The following ANO4 variants were observed in gnomAD, a reference collection of about 807,000 sequenced individuals.
The protein encoded by ANO4 is anoctamin-4.
In ANO4, 69 loss-of-function variants were observed where a neutral mutation model predicts 141.9. That is an observed-to-expected ratio of 0.49 (90% CI 0.40 to 0.59). ANO4 has a LOEUF of 0.59. Among genes scored for constraint, ANO4 ranks in the 20% least tolerant of loss-of-function variants. The pLI is 0.00. For missense variants in ANO4, 894 were observed against 1,162.2 expected (o/e 0.77, Z 3.36); for synonymous variants, 350 against 394.3 (o/e 0.89, Z 1.33).
intron 1 of ANO4, among the ~76,000 whole-genome samples, chr12:100,851,724 C>T (rs2037880853): frequency 6.6e-6 from 1 of 151,986 alleles, no homozygotes; most frequent in South Asian, 2.1e-4. Context: ...CAAAGTGAAT[C>T]AAGTAGGGGG....
intron 1 of ANO4, among the ~76,000 whole-genome samples, chr12:100,732,090 A>G (rs1163274284): frequency 6.6e-6 from 1 of 152,222 alleles, no homozygotes; most frequent in Non-Finnish European, 1.5e-5. Flanking sequence ...AGCTTCTTTC[A>G]GTAAATACCA....
chr12:100,783,501 C>A (rs1269562486), intron 3 of ANO4, among the ~76,000 whole-genome samples: 1 of 152,158 alleles, frequency 6.6e-6, no homozygotes, highest in Non-Finnish European at 1.5e-5. Flanking sequence ...TTGTCAAGAT[C>A]ACTTCCTGAA....
chr12:100,746,342 C>G (rs1200865740), intron 3 of ANO4, among the ~76,000 whole-genome samples: 1 of 151,928 alleles, frequency 6.6e-6, no homozygotes, highest in Non-Finnish European at 1.5e-5. Flanking sequence ...AATCCTAGCT[C>G]TTTGGGAAAT....
intron 8 of ANO4, among the ~76,000 whole-genome samples, chr12:101,009,762 C>T (rs910864664): frequency 7.9e-5 from 12 of 152,094 alleles, no homozygotes; most frequent in East Asian, 1.9e-4. Context: ...TCTTGTCTTT[C>T]GGTTCAGAAA....
At chr12:100,806,515 TTTTG>T (rs2035033963) in intron 1 of ANO4, among the ~76,000 whole-genome samples, 1 of 140,012 alleles carries the variant, frequency 7.1e-6, no homozygotes, top group African/African-American at 2.6e-5. Context: ...GAGGTTTTTT[TTTTG>T]TTTCGTTTTT....
At chr12:100,866,892 A>G (rs74975793) in intron 1 of ANO4, among the ~76,000 whole-genome samples, 5,274 of 152,294 alleles carry the variant, frequency 0.035, 271 homozygotes, top group African/African-American at 0.11. Context: ...TTGAATGCAT[A>G]TACTAAATTC....
At chr12:101,089,065 A>C (rs1031386663) in intron 17 of ANO4, among the ~76,000 whole-genome samples, 2 of 152,116 alleles carry the variant, frequency 1.3e-5, no homozygotes, top group Non-Finnish European at 2.9e-5. Flanking sequence ...AAATGCTTAC[A>C]TCTTTGAAAA....
chr12:101,036,954 T>A, intron 9 of ANO4, 141 bp from the exon 10 acceptor site: 2 of 675,360 alleles, frequency 3.0e-6, no homozygotes, highest in Non-Finnish European at 4.8e-6. Context: ...GCAGCAGAGC[T>A]TTTTTTCTAA....
chr12:101,124,874 C>A (rs1350294737), intron 26 of ANO4, among the ~76,000 whole-genome samples: 1 of 152,060 alleles, frequency 6.6e-6, no homozygotes, highest in East Asian at 1.9e-4. Context: ...GTTACTGTAG[C>A]CTTTTAGTAT....
intron 7 of ANO4, among the ~76,000 whole-genome samples, chr12:100,983,807 G>C (rs780552175): frequency 7.2e-5 from 11 of 152,140 alleles, no homozygotes; most frequent in Non-Finnish European, 1.5e-4. Context: ...CCTATCTTAA[G>C]GTCTGTAACC....
At chr12:101,090,057 C>T (rs922227066) in intron 17 of ANO4, among the ~76,000 whole-genome samples, 4 of 152,222 alleles carry the variant, frequency 2.6e-5, no homozygotes, top group African/African-American at 9.6e-5. Flanking sequence ...GATACCATCT[C>T]ACACCAGTTA....
At chr12:100,988,852 C>A in intron 8 of ANO4, among the ~76,000 whole-genome samples, 2 of 114,180 alleles carry the variant, frequency 1.8e-5, no homozygotes, top group Admixed American at 1.2e-4. Flanking sequence ...GCCTGGGTGA[C>A]AGAGTGAGAC....
intron 3 of ANO4, among the ~76,000 whole-genome samples, chr12:100,781,549 G>A (rs1369833680): frequency 2.0e-5 from 3 of 152,082 alleles, no homozygotes; most frequent in Non-Finnish European, 4.4e-5. Context: ...CATCCACCCA[G>A]CTTGCTTCCC....
intron 3 of ANO4, among the ~76,000 whole-genome samples, chr12:100,770,488 G>T (rs1185754801): frequency 2.0e-5 from 3 of 152,300 alleles, no homozygotes; most frequent in Admixed American, 6.5e-5. Flanking sequence ...AAGTATGAAG[G>T]ACAGAATAGC....
At chr12:101,078,615 A>G (rs2049119677) in intron 14 of ANO4, among the ~76,000 whole-genome samples, 1 of 152,174 alleles carries the variant, frequency 6.6e-6, no homozygotes. Context: ...GCAACAAAGA[A>G]ATGGTTTGGA....
chr12:101,049,353 A>T (rs1468579894), intron 14 of ANO4, among the ~76,000 whole-genome samples: 1 of 152,168 alleles, frequency 6.6e-6, no homozygotes, highest in East Asian at 1.9e-4. Flanking sequence ...GCTCCAGCCA[A>T]AAGATGTCTT....
At chr12:101,117,561 T>TA (rs1241336998) in intron 25 of ANO4, among the ~76,000 whole-genome samples, 2 of 152,224 alleles carry the variant, frequency 1.3e-5, no homozygotes, top group African/African-American at 2.4e-5. Flanking sequence ...ACTTTGACGT[T>TA]ATAAGAATTT....
At position 100,978,611 on chromosome 12, in the gene ANO4, T is replaced by C. The variant is rs565715058; in HGVS notation, c.602+3722T>C. 1.8e-4 allele frequency among the ~76,000 whole-genome samples: 28 copies of C among 152,338 alleles called. 1 individual carries two copies. Among genetic ancestry groups the C allele is most frequent in the African/African-American group, 6.7e-4 (28 of 41,582 alleles). ...ATCTCTATCTCTTTAGTTTTCACTC[T>C]TTGATTGGAGTTCTGCCCCCTGGAT... On this transcript the variant is annotated intron_variant, in intron 7 of 27. Coordinates refer to ENST00000392977, the MANE Select transcript of ANO4 (RefSeq NM_001286615.2).
chr12:100,784,849 C>T (rs771054877), intron 3 of ANO4, among the ~76,000 whole-genome samples: 18 of 152,250 alleles, frequency 1.2e-4, no homozygotes, highest in Admixed American at 3.9e-4. Flanking sequence ...AGGGCTATGC[C>T]GTTTGTCTGT....
Sources: allele counts gnomAD v4.1 joint callset (sites outside exome capture counted in the v4.1 genomes callset), GRCh38; gene constraint gnomAD v4.1.1; transcripts MANE v1.5; gene names NCBI Gene and HGNC (gene_info 2026-07-23, HGNC 2026-07-21).